The following DNAH14 variants were observed in gnomAD, a reference collection of about 807,000 sequenced individuals.
The protein encoded by DNAH14 is axonemal beta dynein heavy chain 14.
A neutral mutation model predicts 520.9 loss-of-function variants in DNAH14; 478 were observed. The observed-to-expected ratio is 0.92, with a 90% CI of 0.85 to 0.99. The LOEUF is 0.99. Ranked by LOEUF, DNAH14 falls within the 50% of genes least tolerant of loss-of-function variation. The pLI is 0.00. For missense variants in DNAH14, 4,831 were observed against 5,234.5 expected, an observed-to-expected ratio of 0.92 and a Z score of 2.38; for synonymous variants, 1,581 against 1,757.2, an observed-to-expected ratio of 0.90 and a Z score of 2.51.
intron 54 of DNAH14, among the ~76,000 whole-genome samples, chr1:225,280,060 G>C (rs2093591837): frequency 6.6e-6 from 1 of 151,592 alleles, no homozygotes; most frequent in South Asian, 2.1e-4. Context: ...TTCACTAGAG[G>C]AGCTCAACAG....
chr1:225,132,335 G>A (rs1200789609), intron 27 of DNAH14, among the ~76,000 whole-genome samples: 5 of 152,052 alleles, frequency 3.3e-5, no homozygotes, highest in Non-Finnish European at 7.4e-5. Context: ...GCACCCATTA[G>A]CTGTTCTTCC....
intron 21 of DNAH14, among the ~76,000 whole-genome samples, chr1:225,095,112 A>C (rs1183357655): frequency 2.0e-5 from 3 of 152,140 alleles, no homozygotes; most frequent in Admixed American, 6.6e-5. Context: ...TACCTAAAAC[A>C]GAACTACCAT....
At chr1:225,385,219 G>A (rs561289089) in intron 81 of DNAH14, among the ~76,000 whole-genome samples, 1 of 152,260 alleles carries the variant, frequency 6.6e-6, no homozygotes, top group African/African-American at 2.4e-5. Context: ...GGTATTGATA[G>A]GATGTATCTC....
intron 34 of DNAH14, among the ~76,000 whole-genome samples, chr1:225,155,183 G>T (rs917988022): frequency 1.3e-5 from 2 of 152,028 alleles, no homozygotes; most frequent in African/African-American, 2.4e-5. Flanking sequence ...TGGGTAGAAA[G>T]GAACAAGATA....
intron 60 of DNAH14, among the ~76,000 whole-genome samples, chr1:225,310,939 T>C (rs1283055333): frequency 6.6e-6 from 1 of 152,206 alleles, no homozygotes; most frequent in Non-Finnish European, 1.5e-5. Context: ...GTAGAATGAT[T>C]TATAATCCTT....
At chr1:225,103,584 TCTC>T (rs1329157085) in intron 23 of DNAH14, among the ~76,000 whole-genome samples, 1 of 152,096 alleles carries the variant, frequency 6.6e-6, no homozygotes, top group Non-Finnish European at 1.5e-5. Context: ...GGTTTGTAGT[TCTC>T]CTTGAAGAGG....
intron 17 of DNAH14, among the ~76,000 whole-genome samples, chr1:225,068,939 G>A (rs1198269290): frequency 0.022 from 87 of 3,934 alleles, 36 homozygotes; most frequent in East Asian, 0.14. Flanking sequence ...AAAATTAGCC[G>A]GGTGTAGTGG....
chr1:225,057,829 G>A (rs914764139), intron 17 of DNAH14, among the ~76,000 whole-genome samples: 37 of 152,146 alleles, frequency 2.4e-4, no homozygotes, highest in African/African-American at 7.5e-4. Context: ...GCTGGATTAC[G>A]TTTATTGATT....
At chr1:225,155,199 T>G (rs2080907416) in intron 34 of DNAH14, among the ~76,000 whole-genome samples, 1 of 152,106 alleles carries the variant, frequency 6.6e-6, no homozygotes, top group African/African-American at 2.4e-5. Flanking sequence ...AGATATACCT[T>G]TTCATATTGG....
intron 64 of DNAH14, among the ~76,000 whole-genome samples, chr1:225,327,375 A>G (rs2094698827): frequency 6.6e-6 from 1 of 151,876 alleles, no homozygotes; most frequent in Admixed American, 6.6e-5. Context: ...GTTAGCCAGG[A>G]TGGTCTCGAT....
chr1:225,104,592 C>T (rs2075842952), intron 23 of DNAH14, among the ~76,000 whole-genome samples: 1 of 152,122 alleles, frequency 6.6e-6, no homozygotes, highest in African/African-American at 2.4e-5. Flanking sequence ...AGAGATTCAA[C>T]TTCTTCCTGG....
intron 41 of DNAH14, among the ~76,000 whole-genome samples, chr1:225,213,592 G>A (rs559885432): frequency 6.6e-6 from 1 of 152,094 alleles, no homozygotes; most frequent in African/African-American, 2.4e-5. Flanking sequence ...TTGAGCAGTG[G>A]TTTCTAATTC....
chr1:225,193,831 C>G (rs761980087), intron 38 of DNAH14, among the ~76,000 whole-genome samples: 4 of 151,650 alleles, frequency 2.6e-5, no homozygotes, highest in South Asian at 4.2e-4. Context: ...CTCCAAATCT[C>G]GTAAACAACT....
At position 225,192,766 on chromosome 1, in the gene DNAH14, A is replaced by G. The variant is rs2085608204; in HGVS notation, c.5741A>G (p.Tyr1914Cys). Residue 1914 changes from tyrosine to cysteine, a missense_variant, in exon 38 of 86, where the codon TAT (tyrosine) becomes TGT (cysteine). Physicochemically the swap from Tyr to Cys is radical, Grantham distance 194. Coordinates refer to ENST00000682510, the MANE Select transcript of DNAH14 (RefSeq NM_001367479.1). ...AAGTGTGTCACTCTCAGTGAACTATATGGACAACTGGATCCTAATACTATG... is the reference window on the plus strand; with the variant it reads ...AAGTGTGTCACTCTCAGTGAACTATGTGGACAACTGGATCCTAATACTATG... ...NPKCVTLSEL[Y>C]GQLDPNTMEW... 2.6e-6 allele frequency: 4 copies of G among 1,550,262 alleles called. No homozygotes were observed. The highest frequency in any genetic ancestry group is 3.5e-6 in the Non-Finnish European group (4 of 1,146,056).
chr1:225,246,850 C>A (rs2092313705), intron 43 of DNAH14, among the ~76,000 whole-genome samples: 1 of 152,138 alleles, frequency 6.6e-6, no homozygotes, highest in Non-Finnish European at 1.5e-5. Context: ...AACCAGATAC[C>A]ATTTGACCCA....
At chr1:224,944,204 G>T (rs902647657) in intron 1 of DNAH14, among the ~76,000 whole-genome samples, 1 of 152,162 alleles carries the variant, frequency 6.6e-6, no homozygotes, top group African/African-American at 2.4e-5. Flanking sequence ...ATATATTTAG[G>T]ATAGTTAGCT....
At position 225,007,526 on chromosome 1, in the gene DNAH14, G is replaced by A; in HGVS notation, c.1089G>A (p.Met363Ile). 2 of 1,530,482 alleles carry A rather than the reference G, an allele frequency of 1.3e-6. No individual in the cohort carries two copies. Among genetic ancestry groups the A allele is most frequent in the Non-Finnish European group, 1.8e-6 (2 of 1,135,704 alleles). 94.8% of individuals were successfully genotyped at this position (1,530,482 alleles called of 1,614,324 possible). A position where few individuals can be genotyped will look rare whatever the true frequency, so the allele number is the denominator to read the frequency against. ...EDIRNKAISEMKSTFLKVAEK... is the reference protein window; with the variant it reads ...EDIRNKAISEIKSTFLKVAEK... ...TCAGGAATAAAGCAATTTCAGAGAT[G>A]AAAAGTACTTTTCTAAAGGTAATTC... The change falls in exon 10 of 86, where the codon ATG (methionine) becomes ATA (isoleucine). Residue 363 changes from methionine (M) to isoleucine (I), a missense_variant. Physicochemically the swap from Met to Ile is conservative, Grantham distance 10 (BLOSUM62 1). Coordinates refer to ENST00000682510, the MANE Select transcript of DNAH14 (RefSeq NM_001367479.1).
At chr1:225,064,810 G>A (rs1042123520) in intron 17 of DNAH14, among the ~76,000 whole-genome samples, 7 of 151,982 alleles carry the variant, frequency 4.6e-5, no homozygotes, top group African/African-American at 1.7e-4. Flanking sequence ...TTCTAGGACA[G>A]TGAAGTTTTC....
rs2094610617 is a variant in DNAH14 at position 225,324,270 on chromosome 1, C to T, written c.9544C>T (p.His3182Tyr). The T allele has an allele frequency of 1.9e-6, 3 of 1,551,762 alleles. No homozygotes were observed. In the South Asian group the frequency reaches 3.6e-5, roughly 18 times the overall value. The change falls in exon 63 of 86, where the codon CAC becomes TAC. Residue 3182 changes from histidine to tyrosine, a missense_variant. His to Tyr is a moderately conservative substitution (Grantham distance 83). Coordinates refer to ENST00000682510, the MANE Select transcript of DNAH14 (RefSeq NM_001367479.1). The part of the protein sequence containing the change: ...KIVTLPDFNP[H>Y]KISLVSVACC... Reference sequence around the variant, plus strand: ...TGTAACCTTACCTGATTTCAACCCACACAAGATTTCGCTGGTTTCTGTTGC... The same window carrying T: ...TGTAACCTTACCTGATTTCAACCCATACAAGATTTCGCTGGTTTCTGTTGC...
Sources: gnomAD v4.1 joint callset for allele counts (sites outside exome capture counted in the v4.1 genomes callset) on GRCh38, gnomAD v4.1.1 for gene constraint, MANE v1.5 for transcripts, NCBI Gene and HGNC (gene_info 2026-07-23, HGNC 2026-07-21) for gene names.